The following CR1 variants were observed in gnomAD, a reference collection of about 807,000 sequenced individuals.
CR1 encodes complement receptor type 1.
In CR1, 116 loss-of-function variants were observed where a neutral mutation model predicts 187.3. The observed-to-expected ratio is 0.62, with a 90% confidence interval of 0.53 to 0.72. The LOEUF (loss-of-function observed/expected upper bound fraction) is 0.72, where lower values mean the gene tolerates loss of function less well. Among genes scored for constraint, CR1 ranks in the 30% least tolerant of loss-of-function variants. CR1 has a pLI of 0.00. For missense variants in CR1, 1,731 were observed against 2,110.7 expected (o/e 0.82, Z 3.52); for synonymous variants, 576 against 747.1 (o/e 0.77, Z 3.73).
At chr1:207,589,103 C>T (rs1028848956) in intron 35 of CR1, among the ~76,000 whole-genome samples, 2 of 152,178 alleles carry the variant, frequency 1.3e-5, no homozygotes, top group African/African-American at 4.8e-5. Flanking sequence ...ACCATGTAAA[C>T]CTCCTTAACT....
intron 46 of CR1, among the ~76,000 whole-genome samples, chr1:207,638,945 T>C (rs1236716377): frequency 6.6e-6 from 1 of 152,124 alleles, no homozygotes; most frequent in Non-Finnish European, 1.5e-5. Flanking sequence ...GGGACAATTG[T>C]TGTACTGTGG....
intron 1 of CR1, among the ~76,000 whole-genome samples, chr1:207,501,364 T>C (rs1659262455): frequency 6.6e-6 from 1 of 152,224 alleles, no homozygotes; most frequent in African/African-American, 2.4e-5. Flanking sequence ...AGTAATCGAA[T>C]TGTACACTTC....
At chr1:207,613,098 G>A (rs375556364) in intron 39 of CR1, among the ~76,000 whole-genome samples, 23 of 152,256 alleles carry the variant, frequency 1.5e-4, no homozygotes, top group Admixed American at 4.6e-4. Context: ...TTGTACCTGC[G>A]TTTGGTGGGT....
intron 45 of CR1, among the ~76,000 whole-genome samples, chr1:207,623,665 C>T (rs1490826416): frequency 1.3e-5 from 2 of 150,850 alleles, no homozygotes; most frequent in East Asian, 3.9e-4. Flanking sequence ...TTGAGTTTTA[C>T]AGAAAGAGAA....
intron 4 of CR1, among the ~76,000 whole-genome samples, chr1:207,516,059 AT>A (rs1659801024): frequency 2.0e-5 from 3 of 152,148 alleles, no homozygotes; most frequent in African/African-American, 7.2e-5. Flanking sequence ...TACAAAAAAA[AT>A]AAATATATAA....
rs577255926 is a variant in CR1 at position 207,586,504 on chromosome 1, C to G, written c.5531-882C>G. ...AAAACACTGTATTAGTTTCCTAGGG[C>G]TGCTGTAACAAATTACCACAAACTA... On this transcript the variant is annotated intron_variant, in intron 33 of 46. Coordinates refer to ENST00000367049, the MANE Select transcript of CR1 (RefSeq NM_000651.6). 3.3e-5 allele frequency among the ~76,000 whole-genome samples: 5 copies of G among 152,288 alleles called. No homozygotes were observed. In the East Asian group the frequency reaches 9.6e-4, roughly 29 times the overall value.
intron 35 of CR1, among the ~76,000 whole-genome samples, chr1:207,599,703 G>GA (rs1280442344): frequency 2.6e-5 from 4 of 152,050 alleles, no homozygotes; most frequent in African/African-American, 9.7e-5. Flanking sequence ...GATGTCAACA[G>GA]AAAAAAATAA....
chr1:207,497,387 T>A (rs1289424326), intron 1 of CR1, among the ~76,000 whole-genome samples: 1 of 152,210 alleles, frequency 6.6e-6, no homozygotes, highest in Non-Finnish European at 1.5e-5. Flanking sequence ...ACTGGCAACA[T>A]CTCATTTGAA....
In CR1 at chr1:207,496,384, C is replaced by G; in HGVS notation, c.117C>G (p.Ala39=). 5 of 1,609,490 alleles carry G rather than the reference C, an allele frequency of 3.1e-6. No homozygotes were observed. Among genetic ancestry groups the G allele is most frequent in the African/African-American group, 2.7e-5 (2 of 74,818 alleles). The change falls in exon 1 of 47, where the codon GCC becomes GCG. Residue 39 remains alanine (A), a synonymous_variant. Transcript: ENST00000367049. ...TGGTGCTGCTTGCGCTGCCGGTGGC[C>G]TGGGGTGAGAGGCGGGCGGGCGTGG... The part of the protein sequence containing the change: ...AVVVLLALPV[A]WGQCNAPEWL...
intron 4 of CR1, among the ~76,000 whole-genome samples, chr1:207,520,310 G>A (rs1302364848): frequency 2.0e-5 from 3 of 152,178 alleles, no homozygotes; most frequent in Non-Finnish European, 2.9e-5. Context: ...CTTGACTAGC[G>A]TCCCTGACCT....
At chr1:207,599,612 G>A (rs964023072) in intron 35 of CR1, among the ~76,000 whole-genome samples, 4 of 152,212 alleles carry the variant, frequency 2.6e-5, no homozygotes, top group Non-Finnish European at 4.4e-5. Context: ...ATCATAAGAC[G>A]TCTACTATGA....
intron 46 of CR1, among the ~76,000 whole-genome samples, chr1:207,633,967 G>T (rs558351479): frequency 6.6e-6 from 1 of 152,154 alleles, no homozygotes; most frequent in Non-Finnish European, 1.5e-5. Flanking sequence ...GGTGCTCAGT[G>T]GGGGAGCTTT....
intron 1 of CR1, among the ~76,000 whole-genome samples, chr1:207,501,726 C>T (rs1327637722): frequency 2.0e-5 from 3 of 152,318 alleles, no homozygotes; most frequent in East Asian, 1.9e-4. Flanking sequence ...TCCTTCCTCT[C>T]GTTGCAAGCT....
Position 207,496,353 on chromosome 1 carries a change from C to A in CR1, c.86C>A (p.Ala29Glu), listed in dbSNP as rs1659081108. Residue 29 changes from alanine to glutamate, a missense_variant, in exon 1 of 47, where the codon GCG becomes GAG. Physicochemically the swap from Ala to Glu is moderately radical, Grantham distance 107. This residue lies in a region of CR1 where 237 missense variants were observed against 240.4 expected (regional missense o/e 0.99). Transcript: ENST00000367049. The stretch of plus-strand genomic sequence containing the variant: ...TTCTGCTGCGGAGGATCCCTGCTGG[C>A]GGTTGTGGTGCTGCTTGCGCTGCCG... Reference protein sequence around the residue: ...LPFCCGGSLLAVVVLLALPVA... With the variant: ...LPFCCGGSLLEVVVLLALPVA... 4 of 1,612,278 alleles carry A rather than the reference C, an allele frequency of 2.5e-6. No homozygotes were observed. Among genetic ancestry groups the A allele is most frequent in the East Asian group, 2.2e-5 (1 of 44,864 alleles).
At position 207,609,480 on chromosome 1, in the gene CR1, C is replaced by A; in HGVS notation, c.6087C>A (p.Ser2029Arg). The part of the protein sequence containing the change: ...TSKDDQVGVW[S>R]SPPPRCISTN... Reference sequence around the variant, plus strand: ...AAGATGATCAAGTTGGTGTTTGGAGCAGCCCTCCCCCTCGGTGTATTTCTA... The same window carrying A: ...AAGATGATCAAGTTGGTGTTTGGAGAAGCCCTCCCCCTCGGTGTATTTCTA... The change falls in exon 37 of 47, where the codon AGC (serine) becomes AGA (arginine). Residue 2029 changes from serine (S) to arginine (R), a missense_variant. By Grantham distance (110) the Ser-to-Arg change is moderately radical. Around this residue, in one of 5 missense-constraint regions of CR1, gnomAD observed 1,312 missense variants for 1,379.6 expected, o/e 0.95. Transcript: ENST00000367049. 2 of 1,614,004 alleles carry A rather than the reference C, an allele frequency of 1.2e-6. No homozygotes were observed. Among genetic ancestry groups the A allele is most frequent in the Non-Finnish European group, 1.7e-6 (2 of 1,179,862 alleles).
At chr1:207,609,768 G>A in intron 37 of CR1, 80 bp downstream of exon 37, 1 of 1,377,398 alleles carries the variant, frequency 7.3e-7, no homozygotes. Context: ...AGGAAGAAGT[G>A]TATAAGGACT....
At chr1:207,500,029 G>A (rs1273080926) in intron 1 of CR1, among the ~76,000 whole-genome samples, 2 of 152,142 alleles carry the variant, frequency 1.3e-5, no homozygotes, top group African/African-American at 4.8e-5. Context: ...GCATTAAGTA[G>A]AAGAAATGCT....
chr1:207,572,428 A>T (rs1660606375), intron 27 of CR1, among the ~76,000 whole-genome samples: 1 of 151,800 alleles, frequency 6.6e-6, no homozygotes, highest in Non-Finnish European at 1.5e-5. Context: ...TCCACCAACA[A>T]AAAGATTACA....
At chr1:207,628,928 GA>G (rs1662565281) in intron 45 of CR1, among the ~76,000 whole-genome samples, 4 of 152,124 alleles carry the variant, frequency 2.6e-5, no homozygotes, top group Admixed American at 2.6e-4. Flanking sequence ...TCCATATTGA[GA>G]TTTCCTGGCG....
Sources: allele counts gnomAD v4.1 joint callset (sites outside exome capture counted in the v4.1 genomes callset), GRCh38; gene constraint gnomAD v4.1.1; regional missense constraint gnomAD v4.1.1; transcripts MANE v1.5; gene names NCBI Gene and HGNC (gene_info 2026-07-23, HGNC 2026-07-21).